PDE4B: variants seen among roughly 807,000 people sequenced by gnomAD.
PDE4B encodes phosphodiesterase 4B, also known as 3',5'-cyclic-AMP phosphodiesterase 4B.
A neutral mutation model predicts 82.2 loss-of-function variants in PDE4B; 20 were observed. The observed-to-expected ratio is 0.24, with a 90% CI of 0.17 to 0.35. The LOEUF (loss-of-function observed/expected upper bound fraction) is 0.35. PDE4B is among the 10% of genes least tolerant of loss of function. The pLI, the probability that PDE4B is intolerant of heterozygous loss-of-function variation, is 1.00. For missense variants in PDE4B, 655 were observed against 907.2 expected, an observed-to-expected ratio of 0.72 and a Z score of 3.57; for synonymous variants, 320 against 318.9, an observed-to-expected ratio of 1.00 and a Z score of -0.04.
At chr1:66,284,614 T>C (rs1292517715) in intron 7 of PDE4B, among the ~76,000 whole-genome samples, 7 of 152,056 alleles carry the variant, frequency 4.6e-5, no homozygotes, top group African/African-American at 1.7e-4. Context: ...ACCAAGATCA[T>C]TGCAGTGAAT....
chr1:66,331,531 T>C (rs1024474584), intron 7 of PDE4B, among the ~76,000 whole-genome samples: 36 of 152,366 alleles, frequency 2.4e-4, no homozygotes, highest in African/African-American at 8.4e-4. Flanking sequence ...AAAAGAATTT[T>C]AATTATCTAG....
At chr1:66,261,542 G>A (rs572690695) in intron 6 of PDE4B, among the ~76,000 whole-genome samples, 2 of 152,332 alleles carry the variant, frequency 1.3e-5, no homozygotes, top group African/African-American at 4.8e-5. Flanking sequence ...GTTTTCATGA[G>A]ACATCTGGTT....
intron 4 of PDE4B, 92 bp downstream of exon 4, chr1:66,247,746 A>C: frequency 1.1e-6 from 1 of 938,876 alleles, no homozygotes; most frequent in Non-Finnish European, 1.6e-6. Context: ...CCATTAATCT[A>C]TGGTAAGGAT....
At chr1:65,938,318 T>G (rs1648264845) in intron 3 of PDE4B, among the ~76,000 whole-genome samples, 1 of 152,206 alleles carries the variant, frequency 6.6e-6, no homozygotes, top group Admixed American at 6.5e-5. Context: ...TCACCTTAGG[T>G]AGAATCTGAG....
intron 3 of PDE4B, among the ~76,000 whole-genome samples, chr1:65,983,898 T>C (rs116601358): frequency 0.01 from 1,533 of 152,278 alleles, 20 homozygotes; most frequent in African/African-American, 0.035. Flanking sequence ...TGAACGAGTA[T>C]AGTTATTTAG....
Position 65,863,228 on chromosome 1 carries a change from A to G in PDE4B, c.-70-50017A>G, listed in dbSNP as rs117391947. 4.2e-3 allele frequency among the ~76,000 whole-genome samples: 637 copies of G among 152,114 alleles called. 20 individuals carry two copies. In the East Asian group the frequency reaches 0.072, roughly 17 times the overall value. ...TCTTTGTTCTCACTGTTTTCAAATA[A>G]CTTCTTTATTTCTTCCTTAATTTCA... On this transcript the variant is annotated intron_variant, in intron 1 of 16. Transcript: ENST00000341517.
intron 1 of PDE4B, among the ~76,000 whole-genome samples, chr1:65,878,842 T>G (rs966605075): frequency 6.6e-6 from 1 of 152,118 alleles, no homozygotes; most frequent in African/African-American, 2.4e-5. Context: ...GGCACATGTA[T>G]ACCTATGTAA....
rs540515816 is a variant in PDE4B, at chr1:66,188,293, G to T, written c.282-59167G>T. Among the ~76,000 whole-genome samples, 25 of 151,452 alleles carry T rather than the reference G, an allele frequency of 1.7e-4. No homozygotes were observed. The South Asian group carries it at 4.6e-3, about 28-fold the overall frequency. On this transcript the variant is annotated intron_variant, in intron 3 of 16. Transcript: ENST00000341517. Reference sequence around the variant, plus strand: ...TTTGCAATAGGTGTGGTGTGGTGCTGAAAAGAATGTATATTCTGTTGATTT... The same window carrying T: ...TTTGCAATAGGTGTGGTGTGGTGCTTAAAAGAATGTATATTCTGTTGATTT...
intron 3 of PDE4B, among the ~76,000 whole-genome samples, chr1:66,022,246 A>T (rs1041557684): frequency 6.6e-6 from 1 of 152,202 alleles, no homozygotes; most frequent in Non-Finnish European, 1.5e-5. Flanking sequence ...CAATCATGTC[A>T]TCTGCAAACA....
rs71058435 is a variant in PDE4B at position 65,920,959 on chromosome 1, C to CTTTTTTTTTTTTTTTTTTTT, written c.281+2132_281+2151dup. Among the ~76,000 whole-genome samples, 2 of 68,150 alleles carry CTTTTTTTTTTTTTTTTTTTT rather than the reference C, an allele frequency of 2.9e-5. 1 individual carries two copies. The highest frequency in any genetic ancestry group is 1.1e-4 in the African/African-American group (2 of 18,872). 44.7% of individuals were successfully genotyped at this position (68,150 alleles called of 152,430 possible). ...AAAACATAAGTAACTAAAAGCATTT[C>CTTTTTTTTTTTTTTTTTTTT]TTTTTTTTTTTTTTTTTTTTTTTTT... is the stretch of plus-strand genomic sequence containing the variant. On this transcript the variant is annotated intron_variant, in intron 3 of 16. Coordinates refer to ENST00000341517, the MANE Select transcript of PDE4B (RefSeq NM_002600.4).
chr1:66,110,473 TG>T (rs1645461402), intron 3 of PDE4B, among the ~76,000 whole-genome samples: 1 of 152,026 alleles, frequency 6.6e-6, no homozygotes, highest in Non-Finnish European at 1.5e-5. Flanking sequence ...TGGTCAGTGT[TG>T]TTGTGGAAAT....
intron 3 of PDE4B, among the ~76,000 whole-genome samples, chr1:65,998,056 A>G (rs983111887): frequency 2.6e-5 from 4 of 152,208 alleles, no homozygotes; most frequent in Non-Finnish European, 4.4e-5. Flanking sequence ...AATAATAACA[A>G]TAATAGCTCT....
chr1:66,179,116 T>G (rs1244973772), intron 3 of PDE4B, among the ~76,000 whole-genome samples: 1 of 152,188 alleles, frequency 6.6e-6, no homozygotes, highest in African/African-American at 2.4e-5. Context: ...CCTCCCAAAG[T>G]GCTGGATTAC....
chr1:66,321,860 G>T (rs1310237662), intron 7 of PDE4B, among the ~76,000 whole-genome samples: 2 of 151,626 alleles, frequency 1.3e-5, no homozygotes, highest in Non-Finnish European at 2.9e-5. Context: ...AGCCCGCATG[G>T]CCAAGACAAT....
chr1:66,015,591 G>GAA (rs149939038), intron 3 of PDE4B, among the ~76,000 whole-genome samples: 3,143 of 145,574 alleles, frequency 0.022, 108 homozygotes, highest in African/African-American at 0.074. Context: ...ATTTCCACAA[G>GAA]AAAAAAAAAA....
intron 3 of PDE4B, among the ~76,000 whole-genome samples, chr1:66,048,264 C>T (rs1431279939): frequency 6.6e-6 from 1 of 151,844 alleles, no homozygotes; most frequent in African/African-American, 2.4e-5. Context: ...TCCTTTTGCA[C>T]CACCCCCATA....
chr1:66,170,824 T>A (rs943690172), intron 3 of PDE4B, among the ~76,000 whole-genome samples: 5 of 152,154 alleles, frequency 3.3e-5, no homozygotes, highest in African/African-American at 1.2e-4. Flanking sequence ...CAAGCAATAA[T>A]TTGTGTAGTT....
intron 3 of PDE4B, among the ~76,000 whole-genome samples, chr1:66,165,704 G>C (rs1486069352): frequency 5.3e-5 from 8 of 152,068 alleles, no homozygotes; most frequent in African/African-American, 1.9e-4. Flanking sequence ...AGACTTTTAT[G>C]CTGAAAACTA....
At chr1:65,949,892 C>T (rs58143568) in intron 3 of PDE4B, among the ~76,000 whole-genome samples, 3,941 of 151,950 alleles carry the variant, frequency 0.026, 168 homozygotes, top group African/African-American at 0.09. Flanking sequence ...ATACAGATAT[C>T]CCCATCCAAG....
Sources: gnomAD v4.1 joint callset for allele counts (sites outside exome capture counted in the v4.1 genomes callset) on GRCh38, gnomAD v4.1.1 for gene constraint, MANE v1.5 for transcripts, NCBI Gene and HGNC (gene_info 2026-07-23, HGNC 2026-07-21) for gene names.